WDR48: variants seen among roughly 807,000 people sequenced by gnomAD.
WDR48 encodes WD repeat-containing protein 48.
Under a neutral mutation model 94.0 loss-of-function variants are expected in WDR48, and 22 were observed. The ratio of observed to expected loss-of-function variants is 0.23; its 90% CI spans 0.17 to 0.33. WDR48 has a LOEUF of 0.33. Among genes scored for constraint, WDR48 ranks in the 10% least tolerant of loss-of-function variants. The pLI, the probability that WDR48 is intolerant of heterozygous loss-of-function variation, is 1.00. For missense variants in WDR48, 541 were observed against 813.8 expected (o/e 0.66, Z 4.08); for synonymous variants, 278 against 280.5 (o/e 0.99, Z 0.09).
Position 39,077,139 on chromosome 3 carries a change from A to T in WDR48, c.898A>T (p.Met300Leu). 6.2e-7 allele frequency: 1 copy of T among 1,614,104 alleles called. No homozygotes were observed. Among genetic ancestry groups the T allele is most frequent in the Non-Finnish European group, 8.5e-7 (1 of 1,180,010 alleles). Reference protein sequence around the residue: ...ICEEKAPVLKMELDRSADPPP... With the variant: ...ICEEKAPVLKLELDRSADPPP... ...CAATATTTTTGTGCTTTGTTTTCAG[A>T]TGGAGCTTGATAGATCAGCTGATCC... The change falls in exon 9 of 19, where the codon ATG becomes TTG. Residue 300 changes from methionine to leucine, a missense_variant and splice_region_variant. By Grantham distance (15) the Met-to-Leu change is conservative. Coordinates refer to ENST00000302313, the MANE Select transcript of WDR48 (RefSeq NM_020839.4).
At chr3:39,055,984 A>G (rs2032854798) in intron 1 of WDR48, among the ~76,000 whole-genome samples, 1 of 152,238 alleles carries the variant, frequency 6.6e-6, no homozygotes, top group South Asian at 2.1e-4. Context: ...CCTAGTTAAT[A>G]TTCGTTGAAA....
intron 1 of WDR48, among the ~76,000 whole-genome samples, chr3:39,055,135 G>A (rs2032786436): frequency 6.6e-6 from 1 of 152,162 alleles, no homozygotes; most frequent in South Asian, 2.1e-4. Context: ...CAGTAGCCCT[G>A]AGCTCCTTGT....
chr3:39,060,299 T>C (rs1319627921), intron 1 of WDR48, among the ~76,000 whole-genome samples: 1 of 152,136 alleles, frequency 6.6e-6, no homozygotes, highest in East Asian at 1.9e-4. Flanking sequence ...ATCCTAGACA[T>C]TATATATAAA....
chr3:39,081,529 T>G (rs1385043979), intron 11 of WDR48, among the ~76,000 whole-genome samples: 1 of 152,162 alleles, frequency 6.6e-6, no homozygotes, highest in Non-Finnish European at 1.5e-5. Context: ...AGAAACACAT[T>G]GATTTCAGAG....
intron 14 of WDR48, 42 bp downstream of exon 14, chr3:39,085,652 T>C: frequency 6.6e-7 from 1 of 1,523,492 alleles, no homozygotes; most frequent in Non-Finnish European, 9.0e-7. Context: ...AAGTTAGAGG[T>C]ACTTACTTAA....
chr3:39,062,560 C>T (rs527262582), intron 1 of WDR48, among the ~76,000 whole-genome samples: 106 of 152,202 alleles, frequency 7.0e-4, no homozygotes, highest in Admixed American at 1.2e-3. Context: ...CCAGACAGGT[C>T]GGAGGAAGAG....
At chr3:39,081,588 A>G (rs2034537868) in intron 11 of WDR48, among the ~76,000 whole-genome samples, 1 of 152,226 alleles carries the variant, frequency 6.6e-6, no homozygotes, top group Non-Finnish European at 1.5e-5. Context: ...TAAGAAACTC[A>G]TCAGCAGAAA....
At chr3:39,089,419 G>C in intron 16 of WDR48, 101 bp downstream of exon 16, 1 of 1,103,044 alleles carries the variant, frequency 9.1e-7, no homozygotes, top group Non-Finnish European at 1.3e-6. Flanking sequence ...ATAAAAGCTA[G>C]ACTCCCAAGT....
intron 17 of WDR48, 151 bp from the exon 18 acceptor site, chr3:39,093,723 C>G (rs531635205): frequency 1.2e-6 from 1 of 832,426 alleles, no homozygotes; most frequent in Non-Finnish European, 1.7e-6. Context: ...AAAATCTTTC[C>G]GCAGCTCTAA....
At chr3:39,081,517 G>T (rs888641429) in intron 11 of WDR48, among the ~76,000 whole-genome samples, 2 of 152,152 alleles carry the variant, frequency 1.3e-5, no homozygotes, top group African/African-American at 4.8e-5. Flanking sequence ...GGGGGTGGGG[G>T]TAGAAACACA....
intron 10 of WDR48, 38 bp downstream of exon 10, chr3:39,078,277 T>C: frequency 7.2e-7 from 1 of 1,383,786 alleles, no homozygotes; most frequent in Non-Finnish European, 1.0e-6. Context: ...TTATTGAAGT[T>C]AGCGATAGTT....
At chr3:39,081,840 A>G (rs1326831508) in intron 11 of WDR48, among the ~76,000 whole-genome samples, 1 of 152,184 alleles carries the variant, frequency 6.6e-6, no homozygotes, top group Non-Finnish European at 1.5e-5. Flanking sequence ...AGGTACTTCT[A>G]CTTAGATGGG....
intron 11 of WDR48, among the ~76,000 whole-genome samples, 178 bp from the exon 12 acceptor site, chr3:39,083,977 T>G (rs2034669965): frequency 2.0e-5 from 3 of 152,202 alleles, no homozygotes; most frequent in Admixed American, 2.0e-4. Flanking sequence ...CTTTTTTAAT[T>G]TAAATTTTTT....
At chr3:39,071,450 A>G (rs1044801488) in intron 7 of WDR48, among the ~76,000 whole-genome samples, 2 of 152,194 alleles carry the variant, frequency 1.3e-5, no homozygotes, top group Non-Finnish European at 2.9e-5. Context: ...GGGCGGGATC[A>G]TATCATCTCC....
intron 16 of WDR48, 109 bp downstream of exon 16, chr3:39,089,427 A>G (rs772318736): frequency 1.0e-6 from 1 of 953,374 alleles, no homozygotes; most frequent in South Asian, 2.3e-5. Context: ...TAGACTCCCA[A>G]GTGGAATCCC....
chr3:39,062,988 A>G, intron 1 of WDR48, 62 bp from the exon 2 acceptor site: 2 of 1,585,324 alleles, frequency 1.3e-6, no homozygotes, highest in Non-Finnish European at 8.6e-7. Context: ...CCACTAGTAG[A>G]CTATATTTTA....
chr3:39,081,976 T>A (rs1162936443), intron 11 of WDR48, among the ~76,000 whole-genome samples: 3 of 152,218 alleles, frequency 2.0e-5, no homozygotes, highest in African/African-American at 7.2e-5. Flanking sequence ...AGTCAGGAGT[T>A]TTTTAGGAAC....
intron 11 of WDR48, among the ~76,000 whole-genome samples, chr3:39,081,156 A>G (rs769310475): frequency 7.9e-5 from 12 of 152,270 alleles, no homozygotes; most frequent in African/African-American, 1.2e-4. Context: ...AAATAAATAA[A>G]TAAAAATAAA....
intron 1 of WDR48, among the ~76,000 whole-genome samples, chr3:39,056,319 G>A (rs945797655): frequency 6.6e-6 from 1 of 152,196 alleles, no homozygotes; most frequent in Non-Finnish European, 1.5e-5. Context: ...TAAAAGATGA[G>A]GGATCAGTTT....
Sources: allele counts gnomAD v4.1 joint callset (sites outside exome capture counted in the v4.1 genomes callset), GRCh38; gene constraint gnomAD v4.1.1; transcripts MANE v1.5; gene names NCBI Gene and HGNC (gene_info 2026-07-23, HGNC 2026-07-21).